The following TAFA5 variants were observed in gnomAD, a reference collection of about 807,000 sequenced individuals.
TAFA5 encodes chemokine-like protein TAFA-5.
A neutral mutation model predicts 15.3 loss-of-function variants in TAFA5; 6 were observed. The observed-to-expected ratio is 0.39, with a 90% CI of 0.21 to 0.77. TAFA5 has a LOEUF of 0.77. Ranked by LOEUF, TAFA5 falls within the 30% of genes least tolerant of loss-of-function variation. TAFA5 has a pLI of 0.41. For missense variants in TAFA5, 161 were observed against 193.1 expected (o/e 0.83, Z 0.98); for synonymous variants, 103 against 80.7 (o/e 1.28, Z -1.48).
intron 2 of TAFA5, among the ~76,000 whole-genome samples, chr22:48,698,493 C>T (rs1928799267): frequency 1.3e-5 from 2 of 151,424 alleles, no homozygotes; most frequent in East Asian, 3.9e-4. Context: ...ATAGGGAGAG[C>T]TGACTGAGCT....
chr22:48,593,041 T>C (rs1354238343), intron 1 of TAFA5, among the ~76,000 whole-genome samples: 1 of 151,908 alleles, frequency 6.6e-6, no homozygotes, highest in African/African-American at 2.4e-5. Flanking sequence ...GAGGGAGGCG[T>C]CCCTGCAGCC....
intron 1 of TAFA5, among the ~76,000 whole-genome samples, chr22:48,628,457 G>A (rs993134195): frequency 2.0e-5 from 3 of 152,206 alleles, no homozygotes; most frequent in Admixed American, 6.5e-5. Flanking sequence ...AGATCATGTC[G>A]CCGATCACAG....
At position 48,524,118 on chromosome 22, in the gene TAFA5, C is replaced by T. The variant is rs547692988; in HGVS notation, c.112+34414C>T. 7.9e-5 allele frequency among the ~76,000 whole-genome samples: 12 copies of T among 152,296 alleles called. No homozygotes were observed. The South Asian group carries it at 1.7e-3, about 21-fold the overall frequency. ...TTTTAGTCCATTATGGCTGCTTTTT[C>T]GGGATTTTCTCTCCTCCCTCCCGTC... is the stretch of plus-strand genomic sequence containing the variant. On this transcript the variant is annotated intron_variant, in intron 1 of 3. Coordinates refer to ENST00000402357, the MANE Select transcript of TAFA5 (RefSeq NM_001082967.3).
At chr22:48,664,516 T>A (rs1290704827) in intron 2 of TAFA5, among the ~76,000 whole-genome samples, 1 of 152,220 alleles carries the variant, frequency 6.6e-6, no homozygotes, top group Non-Finnish European at 1.5e-5. Flanking sequence ...TATTCTTTTT[T>A]AAAGTGTAAC....
chr22:48,706,744 A>C (rs539072767), intron 2 of TAFA5, among the ~76,000 whole-genome samples: 1 of 152,182 alleles, frequency 6.6e-6, no homozygotes, highest in African/African-American at 2.4e-5. Flanking sequence ...AATTTTTATA[A>C]AAGTAATTAT....
intron 1 of TAFA5, among the ~76,000 whole-genome samples, chr22:48,528,181 C>T (rs1921846448): frequency 1.3e-5 from 2 of 152,164 alleles, no homozygotes; most frequent in South Asian, 2.1e-4. Context: ...TCGGAGGTGC[C>T]GGAAACCCGT....
chr22:48,605,906 C>T (rs1925175751), intron 1 of TAFA5, among the ~76,000 whole-genome samples: 1 of 152,262 alleles, frequency 6.6e-6, no homozygotes, highest in South Asian at 2.1e-4. Flanking sequence ...AGCCCAGAGT[C>T]CCTCATGGGT....
At chr22:48,565,250 G>A (rs1255847470) in intron 1 of TAFA5, among the ~76,000 whole-genome samples, 1 of 151,840 alleles carries the variant, frequency 6.6e-6, no homozygotes, top group Non-Finnish European at 1.5e-5. Flanking sequence ...CCCTGAGAAG[G>A]CACAGTAGGC....
intron 3 of TAFA5, among the ~76,000 whole-genome samples, chr22:48,745,075 C>T (rs1930288024): frequency 6.6e-6 from 1 of 152,190 alleles, no homozygotes; most frequent in Non-Finnish European, 1.5e-5. Flanking sequence ...TCTGTCTCAT[C>T]CCTGGGACCA....
intron 1 of TAFA5, among the ~76,000 whole-genome samples, chr22:48,610,381 G>A (rs1467582164): frequency 6.6e-6 from 1 of 152,254 alleles, no homozygotes; most frequent in Non-Finnish European, 1.5e-5. Flanking sequence ...GTGAAGTCAC[G>A]AGGTCCTCGC....
intron 3 of TAFA5, among the ~76,000 whole-genome samples, chr22:48,714,902 G>A (rs1929357851): frequency 6.6e-6 from 1 of 152,218 alleles, no homozygotes; most frequent in African/African-American, 2.4e-5. Flanking sequence ...GACCCCAGGT[G>A]TTCCTTGGCT....
At chr22:48,695,350 C>T (rs1001530032) in intron 2 of TAFA5, among the ~76,000 whole-genome samples, 6 of 152,144 alleles carry the variant, frequency 3.9e-5, no homozygotes, top group East Asian at 1.9e-4. Flanking sequence ...GTGTTTCTGA[C>T]GATATCTGAG....
chr22:48,746,331 A>C (rs952997770), intron 3 of TAFA5, among the ~76,000 whole-genome samples: 7 of 148,680 alleles, frequency 4.7e-5, no homozygotes, highest in African/African-American at 7.8e-5. Context: ...TTTTCAACAT[A>C]AGAGACATTG....
chr22:48,675,799 C>G (rs1244529694), intron 2 of TAFA5, among the ~76,000 whole-genome samples: 1 of 152,268 alleles, frequency 6.6e-6, no homozygotes, highest in East Asian at 1.9e-4. Context: ...CCTGTCCTCC[C>G]CAGTCTCCAG....
chr22:48,505,117 G>A lies in TAFA5; in HGVS notation c.112+15413G>A, dbSNP rs966673262. Among the ~76,000 whole-genome samples the A allele has an allele frequency of 3.3e-5, 5 of 152,312 alleles. No homozygotes were observed. In the East Asian group the frequency reaches 9.7e-4, roughly 29 times the overall value. On this transcript the variant is annotated intron_variant, in intron 1 of 3. Coordinates refer to ENST00000402357, the MANE Select transcript of TAFA5 (RefSeq NM_001082967.3). ...GGCCTGTCTACCTGCCACTTGCTGT[G>A]GGGCCTCCTGGGAGATACTTTGGGG...
At position 48,552,952 on chromosome 22, in the gene TAFA5, T is replaced by C. The variant is rs1180843012; in HGVS notation, c.112+63248T>C. Among the ~76,000 whole-genome samples, 1 of 152,128 alleles carries C rather than the reference T, an allele frequency of 6.6e-6. No individual in the cohort carries two copies. The highest frequency in any genetic ancestry group is 2.4e-5 in the African/African-American group (1 of 41,442). On this transcript the variant is annotated intron_variant, in intron 1 of 3. Transcript: ENST00000402357. This position sits in a 1 kb window ranked among gnomAD's most constrained non-coding sequence, Gnocchi z 4.1. ...CAGAGACTCAGACCTGGGGCTGATC[T>C]GAGGGGGGCTCGTCCCCAACCACCT... is the stretch of plus-strand genomic sequence containing the variant.
intron 2 of TAFA5, among the ~76,000 whole-genome samples, chr22:48,690,464 C>T (rs1483876747): frequency 2.0e-5 from 3 of 152,150 alleles, no homozygotes; most frequent in Non-Finnish European, 4.4e-5. Context: ...GCCTCTCCAG[C>T]CCCTCCATGC....
In TAFA5 at chr22:48,742,824, G is replaced by C. The variant is rs1214191412; in HGVS notation, c.391-7015G>C. Among the ~76,000 whole-genome samples, 8 of 152,192 alleles carry C rather than the reference G, an allele frequency of 5.3e-5. No homozygotes were observed. Among genetic ancestry groups the C allele is most frequent in the South Asian group, 2.1e-4 (1 of 4,830 alleles). ...GGTGCTCAGCGGGGCTGAGTCCCCA[G>C]CTGGGAGCTCAGGTGCGATGAAGCC... is the stretch of plus-strand genomic sequence containing the variant. On this transcript the variant is annotated intron_variant, in intron 3 of 3. Transcript: ENST00000402357. The surrounding 1 kb of genome is among the most constrained non-coding windows in gnomAD (Gnocchi z 6.2).
At chr22:48,638,476 CA>C (rs1466381152) in intron 1 of TAFA5, among the ~76,000 whole-genome samples, 168 of 121,614 alleles carry the variant, frequency 1.4e-3, no homozygotes, top group African/African-American at 4.9e-3. Context: ...TCACCGCACA[CA>C]GGGGGGACCC....
Sources: allele counts gnomAD v4.1 joint callset (sites outside exome capture counted in the v4.1 genomes callset), GRCh38; gene constraint gnomAD v4.1.1; non-coding constraint Gnocchi (gnomAD v3.1); transcripts MANE v1.5; gene names NCBI Gene and HGNC (gene_info 2026-07-23, HGNC 2026-07-21).